The following FRZB variants were observed in gnomAD, a reference collection of about 807,000 sequenced individuals.
FRZB encodes the protein frizzled related protein.
A neutral mutation model predicts 32.5 loss-of-function variants in FRZB; 34 were observed. The observed-to-expected ratio is 1.05, with a 90% CI of 0.80 to 1.39. The LOEUF (loss-of-function observed/expected upper bound fraction) is 1.39, where lower values mean the gene tolerates loss of function less well. FRZB is among the 40% of genes most tolerant of loss of function. The pLI is 0.00. For missense variants in FRZB, 423 were observed against 424.8 expected (o/e 1.00, Z 0.04); for synonymous variants, 170 against 159.2 (o/e 1.07, Z -0.51).
intron 2 of FRZB, among the ~76,000 whole-genome samples, chr2:182,853,843 A>T (rs999380197): frequency 3.0e-4 from 45 of 152,218 alleles, no homozygotes; most frequent in African/African-American, 1.1e-3. Flanking sequence ...AATATATGGT[A>T]CTCATCGCAG....
chr2:182,855,058 A>G (rs1461933295), intron 2 of FRZB, among the ~76,000 whole-genome samples: 1 of 152,220 alleles, frequency 6.6e-6, no homozygotes, highest in East Asian at 1.9e-4. Context: ...AGTGGTATAC[A>G]TGTGGGATAG....
At chr2:182,841,353 A>T (rs1489604564) in intron 3 of FRZB, among the ~76,000 whole-genome samples, 1 of 152,186 alleles carries the variant, frequency 6.6e-6, no homozygotes, top group Non-Finnish European at 1.5e-5. Context: ...TAACTTTTAC[A>T]GTCTTATTCA....
intron 5 of FRZB, among the ~76,000 whole-genome samples, chr2:182,835,644 A>G (rs1420226613): frequency 6.6e-6 from 1 of 152,164 alleles, no homozygotes; most frequent in Non-Finnish European, 1.5e-5. Context: ...TGGAAGTTAT[A>G]TTACATGAGG....
chr2:182,839,555 C>T (rs1183207737), intron 3 of FRZB, among the ~76,000 whole-genome samples: 1 of 152,052 alleles, frequency 6.6e-6, no homozygotes, highest in African/African-American at 2.4e-5. Context: ...AATGTAACAA[C>T]AAATTGCCTT....
intron 1 of FRZB, among the ~76,000 whole-genome samples, chr2:182,865,664 A>G (rs912990864): frequency 6.6e-6 from 1 of 152,238 alleles, no homozygotes; most frequent in Non-Finnish European, 1.5e-5. Flanking sequence ...CTGATGACTG[A>G]GATTGCCTGA....
chr2:182,834,038 G>A lies in FRZB; in HGVS notation c.*811C>T, dbSNP rs1274501503. 6.6e-6 allele frequency: 1 copy of A among 152,040 alleles called. No individual in the cohort carries two copies. The highest frequency in any genetic ancestry group is 1.5e-5 in the Non-Finnish European group (1 of 67,998). The allele number at this position is 152,040 out of a possible 1,614,324, so 9.4% of individuals were successfully genotyped here. On this transcript the variant is annotated 3_prime_UTR_variant, in exon 6 of 6. Transcript: ENST00000295113. ...TTTCACCAATGGGTTTATTTAAAAG[G>A]AAGCAAATTAAACAAAACTATGGTG...
intron 1 of FRZB, among the ~76,000 whole-genome samples, chr2:182,860,857 A>G (rs1230959561): frequency 7.1e-6 from 1 of 140,166 alleles, no homozygotes; most frequent in African/African-American, 2.9e-5. Flanking sequence ...ACAGAGCGAG[A>G]CTGTCTCAAA....
intron 3 of FRZB, among the ~76,000 whole-genome samples, chr2:182,840,762 A>G (rs1028980153): frequency 8.5e-5 from 13 of 152,094 alleles, no homozygotes; most frequent in African/African-American, 3.1e-4. Context: ...TCCATTAATT[A>G]TAATCCATAT....
chr2:182,835,419 A>G (rs1056817119), intron 5 of FRZB, among the ~76,000 whole-genome samples: 6 of 150,174 alleles, frequency 4.0e-5, no homozygotes, highest in African/African-American at 1.5e-4. Flanking sequence ...TTGAGCAGTG[A>G]AAAAAAAATG....
intron 2 of FRZB, among the ~76,000 whole-genome samples, chr2:182,858,349 A>G (rs528914106): frequency 1.3e-5 from 2 of 152,320 alleles, no homozygotes; most frequent in East Asian, 1.9e-4. Flanking sequence ...ATATGCAGCA[A>G]TTGGTTAAGT....
At chr2:182,849,258 A>G (rs1426964682) in intron 2 of FRZB, among the ~76,000 whole-genome samples, 1 of 73,860 alleles carries the variant, frequency 1.4e-5, no homozygotes, top group African/African-American at 3.8e-5. Context: ...AAATAAATAA[A>G]TAAATAAATA....
chr2:182,861,912 A>G (rs1479031106), intron 1 of FRZB, among the ~76,000 whole-genome samples: 3 of 152,246 alleles, frequency 2.0e-5, no homozygotes, highest in Non-Finnish European at 2.9e-5. Flanking sequence ...GTTAAATACT[A>G]CTAACATAAC....
chr2:182,857,864 A>G (rs1228596284), intron 2 of FRZB, among the ~76,000 whole-genome samples: 1 of 152,214 alleles, frequency 6.6e-6, no homozygotes, highest in East Asian at 1.9e-4. Context: ...ACATTTTACC[A>G]AAAAGCATAT....
chr2:182,846,080 C>A (rs570554361), intron 2 of FRZB, among the ~76,000 whole-genome samples: 36 of 152,268 alleles, frequency 2.4e-4, no homozygotes, highest in Admixed American at 5.2e-4. Flanking sequence ...AGAATCTTAG[C>A]CTTCTTTATT....
rs866670630 is a variant in FRZB at position 182,838,417 on chromosome 2, T to C, written c.789A>G (p.Glu263=). The C allele has an allele frequency of 2.5e-6, 4 of 1,609,876 alleles. No individual in the cohort carries two copies. Among genetic ancestry groups the C allele is most frequent in the Middle Eastern group, 1.7e-4 (1 of 6,032 alleles). ...CTTAAAGAGTGAATTACCTGGAACG[T>C]TCCTCATCTTCATAGCCCATGATGA... ...EYIIMGYEDE[E]RSRLLLVEGS... is the part of the protein sequence containing the mutation. The change falls in exon 4 of 6, where the codon GAA becomes GAG. Residue 263 remains glutamate (E), a synonymous_variant. Coordinates refer to ENST00000295113, the MANE Select transcript of FRZB (RefSeq NM_001463.4).
At chr2:182,852,441 A>G (rs1695719890) in intron 2 of FRZB, among the ~76,000 whole-genome samples, 1 of 152,188 alleles carries the variant, frequency 6.6e-6, no homozygotes, top group South Asian at 2.1e-4. Flanking sequence ...GATAAATCAG[A>G]AGGGAACTCA....
chr2:182,839,812 G>A (rs544475297), intron 3 of FRZB, among the ~76,000 whole-genome samples: 9 of 152,134 alleles, frequency 5.9e-5, no homozygotes, highest in African/African-American at 1.7e-4. Context: ...GGAAAACACC[G>A]TTTATCCAAA....
Position 182,848,551 on chromosome 2 carries a change from C to A in FRZB, c.527-6008G>T, listed in dbSNP as rs141546801. Reference sequence around the variant, plus strand: ...CGACAGGGTCTTATTGTTCCTAGGGCATTAACAAACAAACAAAACACCCGA... The same window carrying A: ...CGACAGGGTCTTATTGTTCCTAGGGAATTAACAAACAAACAAAACACCCGA... On this transcript the variant is annotated intron_variant, in intron 2 of 5. Transcript: ENST00000295113. Among the ~76,000 whole-genome samples the A allele has an allele frequency of 8.7e-3, 1,320 of 152,170 alleles. 17 individuals carry two copies. Among genetic ancestry groups the A allele is most frequent in the African/African-American group, 0.026 (1,073 of 41,490 alleles).
At chr2:182,844,969 T>C (rs1219623301) in intron 2 of FRZB, among the ~76,000 whole-genome samples, 1 of 152,202 alleles carries the variant, frequency 6.6e-6, no homozygotes, top group Non-Finnish European at 1.5e-5. Context: ...CCCTAGCTCT[T>C]GCCATAAGCA....
Sources: allele counts gnomAD v4.1 joint callset (sites outside exome capture counted in the v4.1 genomes callset), GRCh38; gene constraint gnomAD v4.1.1; transcripts MANE v1.5; gene names NCBI Gene and HGNC (gene_info 2026-07-23, HGNC 2026-07-21).